APCDD1: variants seen among roughly 807,000 people sequenced by gnomAD.
APCDD1 encodes the protein APC down-regulated 1, also known as protein APCDD1.
A neutral mutation model predicts 38.1 loss-of-function variants in APCDD1; 15 were observed. That is an observed-to-expected ratio of 0.39 (90% CI 0.26 to 0.61). The LOEUF (loss-of-function observed/expected upper bound fraction) is 0.61. APCDD1 is among the 20% of genes least tolerant of loss of function. The pLI is 0.49. For synonymous variants in APCDD1, 261 were observed against 279.7 expected (o/e 0.93, Z 0.67); for missense variants, 647 against 696.2 (o/e 0.93, Z 0.79).
intron 1 of APCDD1, among the ~76,000 whole-genome samples, chr18:10,460,147 T>G (rs2030495423): frequency 6.6e-6 from 1 of 152,228 alleles, no homozygotes; most frequent in African/African-American, 2.4e-5. Flanking sequence ...GATCAGAACT[T>G]TTGATTTCTC....
chr18:10,473,694 A>G (rs572934829), intron 3 of APCDD1, among the ~76,000 whole-genome samples: 2 of 152,256 alleles, frequency 1.3e-5, no homozygotes, highest in African/African-American at 4.8e-5. Flanking sequence ...TTTCTGGGTC[A>G]GGGTTGAGTG....
In APCDD1 at chr18:10,476,447, T is replaced by A. The variant is rs948144694; in HGVS notation, c.774+4386T>A. The stretch of plus-strand genomic sequence containing the variant: ...AGCGTAAAGTAACCCTGAAAGAAGA[T>A]GCTTTGCCTGAATCAAGTTTAGCGT... On this transcript the variant is annotated intron_variant, in intron 3 of 4. Transcript: ENST00000355285. The surrounding 1 kb of genome is among the most constrained non-coding windows in gnomAD (Gnocchi z 5.8). 1 of 152,240 alleles carries A rather than the reference T, an allele frequency of 6.6e-6. No homozygotes were observed. Among genetic ancestry groups the A allele is most frequent in the Non-Finnish European group, 1.5e-5 (1 of 68,054 alleles). 9.4% of individuals were successfully genotyped at this position (152,240 alleles called of 1,614,324 possible).
chr18:10,467,742 T>C lies in APCDD1; in HGVS notation c.59-727T>C, dbSNP rs1033241713. Among the ~76,000 whole-genome samples, 1 of 151,542 alleles carries C rather than the reference T, an allele frequency of 6.6e-6. No individual in the cohort carries two copies. Among genetic ancestry groups the C allele is most frequent in the Non-Finnish European group, 1.5e-5 (1 of 68,022 alleles). Reference sequence around the variant, plus strand: ...GTGAGGGGCTGGACTTGGAAGATAATTGGGGGGGAAATGTCACACCACGTC... The same window carrying C: ...GTGAGGGGCTGGACTTGGAAGATAACTGGGGGGGAAATGTCACACCACGTC... On this transcript the variant is annotated intron_variant, in intron 1 of 4. Transcript: ENST00000355285. This position sits in a 1 kb window ranked among gnomAD's most constrained non-coding sequence, Gnocchi z 4.8.
chr18:10,464,679 C>T (rs995972192), intron 1 of APCDD1, among the ~76,000 whole-genome samples: 7 of 152,202 alleles, frequency 4.6e-5, no homozygotes, highest in African/African-American at 9.7e-5. Flanking sequence ...CCTCAGCCTC[C>T]CAGGGTGTTG....
Position 10,454,790 on chromosome 18 carries a change from C to G in APCDD1, c.-192C>G, listed in dbSNP as rs2030322738. Reference sequence around the variant, plus strand: ...CCGGGCCGGGGCGCCCACAGCCGCCCGACGGCGCCCAGAGAGCGCGCGCCC... The same window carrying G: ...CCGGGCCGGGGCGCCCACAGCCGCCGGACGGCGCCCAGAGAGCGCGCGCCC... On this transcript the variant is annotated 5_prime_UTR_variant, in exon 1 of 5. Transcript: ENST00000355285. The G allele has an allele frequency of 1.0e-6, 1 of 980,808 alleles. No homozygotes were observed. The highest frequency in any genetic ancestry group is 1.2e-6 in the Non-Finnish European group (1 of 828,468). 60.8% of individuals were successfully genotyped at this position (980,808 alleles called of 1,614,324 possible). A position where few individuals can be genotyped will look rare whatever the true frequency, so the allele number is the denominator to read the frequency against.
At position 10,462,370 on chromosome 18, in the gene APCDD1, G is replaced by A. The variant is rs562449240; in HGVS notation, c.59-6099G>A. On this transcript the variant is annotated intron_variant, in intron 1 of 4. Transcript: ENST00000355285. ...GTTCCTTTTCAGATGCAGATGTACT[G>A]CTAAATTACTTGCTTCCTTCCTTCC... Among the ~76,000 whole-genome samples the A allele has an allele frequency of 5.3e-5, 8 of 152,114 alleles. No homozygotes were observed. In the South Asian group the frequency reaches 8.3e-4, roughly 16 times the overall value.
At chr18:10,465,989 G>A (rs547316127) in intron 1 of APCDD1, among the ~76,000 whole-genome samples, 2 of 152,336 alleles carry the variant, frequency 1.3e-5, no homozygotes, top group East Asian at 3.9e-4. Flanking sequence ...TACTTGCAGG[G>A]TGTAGAGGTT....
In APCDD1 at chr18:10,488,909, G is replaced by T. The variant is rs1256316985; in HGVS notation, c.*871G>T. The T allele has an allele frequency of 6.6e-6, 1 of 152,256 alleles. No individual in the cohort carries two copies. Among genetic ancestry groups the T allele is most frequent in the African/African-American group, 2.4e-5 (1 of 41,456 alleles). The allele number at this position is 152,256 out of a possible 1,614,324, so 9.4% of individuals were successfully genotyped here. A position where few individuals can be genotyped will look rare whatever the true frequency, so the allele number is the denominator to read the frequency against. On this transcript the variant is annotated 3_prime_UTR_variant, in exon 5 of 5. Transcript: ENST00000355285. ...ATGATAGAGAAAGTGCCCGTTCATTGCAGTTTCCTCTTCCTGGGGGACCTG... is the reference window on the plus strand; with the variant it reads ...ATGATAGAGAAAGTGCCCGTTCATTTCAGTTTCCTCTTCCTGGGGGACCTG...
intron 1 of APCDD1, among the ~76,000 whole-genome samples, chr18:10,466,247 A>G (rs1051914186): frequency 6.6e-5 from 10 of 152,238 alleles, no homozygotes; most frequent in African/African-American, 2.4e-4. Context: ...AGTTACCAAG[A>G]TAACTACAAC....
At chr18:10,468,697 C>A in intron 2 of APCDD1, 45 bp downstream of exon 2, 2 of 1,588,984 alleles carry the variant, frequency 1.3e-6, no homozygotes, top group Non-Finnish European at 1.7e-6. Context: ...GAGCACACCA[C>A]TATGGAAGAC....
chr18:10,465,480 GC>G (rs1408566283), intron 1 of APCDD1, among the ~76,000 whole-genome samples: 1 of 152,224 alleles, frequency 6.6e-6, no homozygotes, highest in Non-Finnish European at 1.5e-5. Context: ...TTCTAATAGA[GC>G]AGTGGAGTGT....
At chr18:10,463,427 G>A (rs1257003293) in intron 1 of APCDD1, among the ~76,000 whole-genome samples, 3 of 152,144 alleles carry the variant, frequency 2.0e-5, no homozygotes, top group Admixed American at 1.3e-4. Flanking sequence ...ACTTACTTCA[G>A]GCGATGCAAC....
chr18:10,457,173 G>A (rs56124004), intron 1 of APCDD1, among the ~76,000 whole-genome samples: 40,898 of 152,024 alleles, frequency 0.27, 5,617 homozygotes, highest in Non-Finnish European at 0.29. Context: ...AATAAACAGA[G>A]GAAATCATTG....
intron 1 of APCDD1, among the ~76,000 whole-genome samples, chr18:10,459,294 C>G (rs893394070): frequency 1.3e-5 from 2 of 149,076 alleles, no homozygotes; most frequent in African/African-American, 5.0e-5. Flanking sequence ...ACTATTTTCC[C>G]TGCTGGGAAT....
At chr18:10,474,569 C>T (rs1034127010) in intron 3 of APCDD1, among the ~76,000 whole-genome samples, 10 of 152,252 alleles carry the variant, frequency 6.6e-5, no homozygotes, top group Non-Finnish European at 1.3e-4. Flanking sequence ...GTTCTGGTTC[C>T]TTTTCCTCAC....
chr18:10,480,120 G>A (rs2031100525), intron 3 of APCDD1, among the ~76,000 whole-genome samples: 1 of 152,150 alleles, frequency 6.6e-6, no homozygotes, highest in Non-Finnish European at 1.5e-5. Flanking sequence ...CTAAGATTCG[G>A]GGAAAGGGGA....
At chr18:10,473,333 C>T (rs530386828) in intron 3 of APCDD1, among the ~76,000 whole-genome samples, 2 of 152,240 alleles carry the variant, frequency 1.3e-5, no homozygotes, top group South Asian at 4.1e-4. Context: ...TGGCTGTGTC[C>T]CCGCGTGTGA....
intron 1 of APCDD1, among the ~76,000 whole-genome samples, chr18:10,461,129 G>A (rs1260371898): frequency 1.3e-5 from 2 of 152,114 alleles, no homozygotes; most frequent in African/African-American, 4.8e-5. Flanking sequence ...TTACTATCAT[G>A]GGGTAATGTA....
intron 1 of APCDD1, among the ~76,000 whole-genome samples, chr18:10,457,133 C>G (rs750016400): frequency 1.3e-5 from 2 of 152,170 alleles, no homozygotes; most frequent in Admixed American, 6.5e-5. Flanking sequence ...TACTTAGATC[C>G]AGCAGAGAGT....
Sources: allele counts gnomAD v4.1 joint callset (sites outside exome capture counted in the v4.1 genomes callset), GRCh38; gene constraint gnomAD v4.1.1; non-coding constraint Gnocchi (gnomAD v3.1); transcripts MANE v1.5; gene names NCBI Gene and HGNC (gene_info 2026-07-23, HGNC 2026-07-21).